The following PLXDC2 variants were observed in gnomAD, a reference collection of about 807,000 sequenced individuals.
The protein encoded by PLXDC2 is plexin domain-containing protein 2.
PLXDC2 carries 40 observed loss-of-function variants against 68.9 expected under a neutral mutation model. The ratio of observed to expected loss-of-function variants is 0.58; its 90% CI spans 0.45 to 0.76. The LOEUF (loss-of-function observed/expected upper bound fraction) is 0.76, where lower values mean the gene tolerates loss of function less well. PLXDC2 is among the 30% of genes least tolerant of loss of function. The probability of loss-of-function intolerance (pLI) is 0.00; values close to 1 mark genes in which losing one functional copy is unlikely to be tolerated. For synonymous variants in PLXDC2, 243 were observed against 234.2 expected, an observed-to-expected ratio of 1.04 and a Z score of -0.34; for missense variants, 644 against 661.9, an observed-to-expected ratio of 0.97 and a Z score of 0.30.
chr10:20,166,719 A>G (rs1834379756), intron 7 of PLXDC2, among the ~76,000 whole-genome samples: 1 of 152,158 alleles, frequency 6.6e-6, no homozygotes, highest in Non-Finnish European at 1.5e-5. Context: ...AAAAAACACC[A>G]ACCAAAATAC....
At chr10:20,116,085 CAAA>C (rs1564320517) in intron 4 of PLXDC2, among the ~76,000 whole-genome samples, 2 of 152,210 alleles carry the variant, frequency 1.3e-5, no homozygotes, top group African/African-American at 4.8e-5. Flanking sequence ...TGCTCCTCTA[CAAA>C]AGCTGCATGT....
intron 1 of PLXDC2, among the ~76,000 whole-genome samples, chr10:19,983,510 ACTG>A (rs1564647119): frequency 6.6e-6 from 1 of 152,308 alleles, no homozygotes; most frequent in East Asian, 1.9e-4. Context: ...AGAACAATGT[ACTG>A]CTGAGGGGGT....
chr10:19,886,248 T>A (rs1260091719), intron 1 of PLXDC2, among the ~76,000 whole-genome samples: 1 of 152,180 alleles, frequency 6.6e-6, no homozygotes, highest in Non-Finnish European at 1.5e-5. Context: ...CTTAAGGAGA[T>A]TTTGGGCTGA....
chr10:20,221,914 A>AT (rs1835217218), intron 12 of PLXDC2, among the ~76,000 whole-genome samples: 1 of 152,138 alleles, frequency 6.6e-6, no homozygotes, highest in Non-Finnish European at 1.5e-5. Context: ...GATTTAATTT[A>AT]TTTAATTGGA....
At chr10:19,868,398 A>C (rs527381761) in intron 1 of PLXDC2, among the ~76,000 whole-genome samples, 1 of 152,320 alleles carries the variant, frequency 6.6e-6, no homozygotes, top group East Asian at 1.9e-4. Flanking sequence ...CTTCATGTGC[A>C]TTAAAATAAG....
rs187421277 is a variant in PLXDC2, at chr10:19,944,322, G to A, written c.113-57453G>A. Among the ~76,000 whole-genome samples, 13 of 151,644 alleles carry A rather than the reference G, an allele frequency of 8.6e-5. No homozygotes were observed. The East Asian group carries it at 2.3e-3, about 27-fold the overall frequency. ...AACTTCTGACATGAAAATCTTCAGA[G>A]TATATATGAATTCACATGGATATGC... On this transcript the variant is annotated intron_variant, in intron 1 of 13. Coordinates refer to ENST00000377252, the MANE Select transcript of PLXDC2 (RefSeq NM_032812.9).
chr10:20,154,941 A>G (rs371992746), intron 6 of PLXDC2, among the ~76,000 whole-genome samples: 44 of 152,242 alleles, frequency 2.9e-4, no homozygotes, highest in African/African-American at 8.7e-4. Context: ...AGCCTGTTCT[A>G]TCCATTTTCT....
At chr10:20,004,688 TC>T (rs1473218081) in intron 2 of PLXDC2, among the ~76,000 whole-genome samples, 1 of 152,170 alleles carries the variant, frequency 6.6e-6, no homozygotes, top group African/African-American at 2.4e-5. Flanking sequence ...CTCTGTAATC[TC>T]TCCTGTGGGG....
intron 4 of PLXDC2, among the ~76,000 whole-genome samples, chr10:20,142,755 A>G (rs1383842496): frequency 6.6e-6 from 1 of 151,926 alleles, no homozygotes; most frequent in Non-Finnish European, 1.5e-5. Flanking sequence ...GCAAACCAAC[A>G]ATTTGAAAAC....
Position 19,988,776 on chromosome 10 carries a change from C to CTTTTTTT in PLXDC2, c.113-12968_113-12962dup, listed in dbSNP as rs552950916. 2.4e-4 allele frequency among the ~76,000 whole-genome samples: 11 copies of CTTTTTTT among 45,492 alleles called. 3 individuals carry two copies. Among genetic ancestry groups the CTTTTTTT allele is most frequent in the South Asian group, 1.1e-3 (1 of 884 alleles). The allele number at this position is 45,492 out of a possible 152,430, so 29.8% of individuals were successfully genotyped here. ...AGTTAGGGTTAAGTTAATAATGCCA[C>CTTTTTTT]TTTTTTTTTTTTTTTTTTTTTTTTT... On this transcript the variant is annotated intron_variant, in intron 1 of 13. Coordinates refer to ENST00000377252, the MANE Select transcript of PLXDC2 (RefSeq NM_032812.9).
intron 1 of PLXDC2, among the ~76,000 whole-genome samples, chr10:19,949,496 G>A (rs1833960191): frequency 6.6e-6 from 1 of 152,218 alleles, no homozygotes; most frequent in Non-Finnish European, 1.5e-5. Flanking sequence ...GGATAGATCA[G>A]AGATGCACCT....
rs1267613249 is a variant in PLXDC2, at chr10:19,939,966, C to A, written c.113-61809C>A. ...GAGATGTCAAAGAAGGGAACGAATT[C>A]CATTGGTATGGTTGGCTTTTTATAT... On this transcript the variant is annotated intron_variant, in intron 1 of 13. Coordinates refer to ENST00000377252, the MANE Select transcript of PLXDC2 (RefSeq NM_032812.9). 2.0e-5 allele frequency among the ~76,000 whole-genome samples: 3 copies of A among 151,860 alleles called. No individual in the cohort carries two copies. In the East Asian group the frequency reaches 5.8e-4, roughly 29 times the overall value.
intron 13 of PLXDC2, among the ~76,000 whole-genome samples, chr10:20,270,132 A>G (rs1029039799): frequency 6.6e-6 from 1 of 152,152 alleles, no homozygotes; most frequent in Non-Finnish European, 1.5e-5. Context: ...GATGGTCCCA[A>G]GGGAGTTAGA....
intron 3 of PLXDC2, among the ~76,000 whole-genome samples, chr10:20,063,371 C>T (rs1836139128): frequency 6.6e-6 from 1 of 151,926 alleles, no homozygotes; most frequent in African/African-American, 2.4e-5. Flanking sequence ...AAGAAACTGT[C>T]CTAAAACAAA....
rs187447057 is a variant in PLXDC2 at position 20,065,734 on chromosome 10, G to A, written c.472-2436G>A. The stretch of plus-strand genomic sequence containing the variant: ...AAGGAGCATGCAACCTAGATCCCTC[G>A]CATGTGCAGTTCACAATAGGGCTCA... On this transcript the variant is annotated intron_variant, in intron 3 of 13. Coordinates refer to ENST00000377252, the MANE Select transcript of PLXDC2 (RefSeq NM_032812.9). Among the ~76,000 whole-genome samples, 22 of 152,230 alleles carry A rather than the reference G, an allele frequency of 1.4e-4. 1 individual carries two copies. The highest frequency in any genetic ancestry group is 3.1e-4 in the Non-Finnish European group (21 of 68,030).
At chr10:19,890,131 G>A (rs530395180) in intron 1 of PLXDC2, among the ~76,000 whole-genome samples, 2 of 152,304 alleles carry the variant, frequency 1.3e-5, no homozygotes, top group African/African-American at 4.8e-5. Flanking sequence ...GTAGTCTACT[G>A]TGTCAACTTT....
chr10:20,175,617 C>T (rs11591848), intron 7 of PLXDC2, among the ~76,000 whole-genome samples: 47,514 of 152,156 alleles, frequency 0.31, 9,760 homozygotes, highest in Non-Finnish European at 0.47. Flanking sequence ...TCACTTGAGT[C>T]CAGGAGTTGA....
chr10:20,131,067 T>G (rs1376815641), intron 4 of PLXDC2, among the ~76,000 whole-genome samples: 3 of 152,160 alleles, frequency 2.0e-5, no homozygotes, highest in Non-Finnish European at 2.9e-5. Flanking sequence ...TAAATATCCT[T>G]TAAATGTTTG....
intron 1 of PLXDC2, among the ~76,000 whole-genome samples, chr10:19,906,953 C>T (rs1435481596): frequency 6.6e-6 from 1 of 152,156 alleles, no homozygotes; most frequent in African/African-American, 2.4e-5. Flanking sequence ...GATAGCCTGT[C>T]TGTCACCTAT....
Sources: gnomAD v4.1 joint callset for allele counts (sites outside exome capture counted in the v4.1 genomes callset) on GRCh38, gnomAD v4.1.1 for gene constraint, MANE v1.5 for transcripts, NCBI Gene and HGNC (gene_info 2026-07-23, HGNC 2026-07-21) for gene names.